The following EGR2 variants were observed in gnomAD, a reference collection of about 807,000 sequenced individuals.
The protein encoded by EGR2 is E3 SUMO-protein ligase EGR2.
Under a neutral mutation model 21.2 loss-of-function variants are expected in EGR2, and 2 were observed. The observed-to-expected ratio is 0.09, with a 90% CI of 0.04 to 0.30. EGR2 has a LOEUF of 0.30. Among genes scored for constraint, EGR2 ranks in the 10% least tolerant of loss-of-function variants. EGR2 has a pLI of 1.00. For synonymous variants in EGR2, 282 were observed against 258.2 expected, an observed-to-expected ratio of 1.09 and a Z score of -0.88; for missense variants, 458 against 630.2, an observed-to-expected ratio of 0.73 and a Z score of 2.93.
At chr10:62,816,915 G>T (rs1377582056), upstream of EGR2, among the ~76,000 whole-genome samples, 3 of 152,040 alleles carry the variant, frequency 2.0e-5, no homozygotes, top group East Asian at 5.8e-4. Context: ...AAAGCTACAT[G>T]CATTCACGGA....
rs7893472 is a variant in EGR2 at position 62,815,657 on chromosome 10, T to C, written c.169+204A>G. ...CCGGGGCGCACGCACGCCGGTTTGCTGGCGACCTGGCGCATCTGCCCGCGC... is the reference window on the plus strand; with the variant it reads ...CCGGGGCGCACGCACGCCGGTTTGCCGGCGACCTGGCGCATCTGCCCGCGC... On this transcript the variant is annotated intron_variant, in intron 1 of 1. Coordinates refer to ENST00000242480, the MANE Select transcript of EGR2 (RefSeq NM_000399.5). Among the ~76,000 whole-genome samples, 23,074 of 152,276 alleles carry C rather than the reference T, an allele frequency of 0.15. 4,613 individuals carry two copies. The highest frequency in any genetic ancestry group is 0.46 in the African/African-American group (19,197 of 41,534).
chr10:62,815,825 C>G (rs769322406), intron 1 of EGR2, 36 bp downstream of exon 1: 1 of 1,612,550 alleles, frequency 6.2e-7, no homozygotes, highest in East Asian at 2.2e-5. Context: ...ACCTCCGGGC[C>G]GCGCAGGTCC....
At position 62,814,224 on chromosome 10, in the gene EGR2, A is replaced by G; in HGVS notation, c.414T>C (p.Ser138=). Residue 138 remains serine (S), a synonymous_variant, in exon 2 of 2, where the codon TCT becomes TCC. Coordinates refer to ENST00000242480, the MANE Select transcript of EGR2 (RefSeq NM_000399.5). This position sits in a 1 kb window ranked among gnomAD's most constrained non-coding sequence, Gnocchi z 4.8. ...ASTTASSSVT[S]ASPNPLATGP... is the part of the protein sequence containing the mutation. ...CTGTGGCCAGTGGGTTGGGGGAGGC[A>G]GAGGTGACGCTGGATGAGGCTGTGG... 6.2e-7 allele frequency: 1 copy of G among 1,614,148 alleles called. No homozygotes were observed. The highest frequency in any genetic ancestry group is 8.5e-7 in the Non-Finnish European group (1 of 1,180,000).
At chr10:62,816,931 A>G (rs897969128), upstream of EGR2, among the ~76,000 whole-genome samples, 1 of 152,104 alleles carries the variant, frequency 6.6e-6, no homozygotes, top group Admixed American at 6.5e-5. Flanking sequence ...ACGGAAGCTG[A>G]CTGCTTTTTT....
At chr10:62,815,778 C>A (rs1274127418) in intron 1 of EGR2, 83 bp downstream of exon 1, 2 of 1,533,672 alleles carry the variant, frequency 1.3e-6, no homozygotes, top group Admixed American at 1.9e-5. Context: ...CCAATCCTCT[C>A]CTGCGATTCC....
chr10:62,816,022 GTCA>G lies in EGR2; in HGVS notation c.5_7del (p.Met2del). On this transcript the variant is annotated inframe_deletion, in exon 1 of 2. Transcript: ENST00000242480. ...TGGGATTTTGTCTACGGCCTTGGCG[GTCA>G]TCATTTGCTCCTCGCACAACCTGGA... 1 of 1,614,168 alleles carries G rather than the reference GTCA, an allele frequency of 6.2e-7. No homozygotes were observed. Among genetic ancestry groups the G allele is most frequent in the South Asian group, 1.1e-5 (1 of 91,076 alleles).
upstream of EGR2, chr10:62,818,578 T>A: frequency 7.8e-7 from 1 of 1,277,930 alleles, no homozygotes; most frequent in Non-Finnish European, 1.0e-6. Context: ...CTCTGGCGGG[T>A]CCCGCGGCCC....
rs1842123911 is a variant in EGR2, at chr10:62,812,236, T to C, written c.*971A>G. On this transcript the variant is annotated 3_prime_UTR_variant, in exon 2 of 2. Transcript: ENST00000242480. Reference sequence around the variant, plus strand: ...ACTTTCTAAAAAAAATTCCAAATATTAATAGGCAGAAATATACAGCCATAC... The same window carrying C: ...ACTTTCTAAAAAAAATTCCAAATATCAATAGGCAGAAATATACAGCCATAC... 1 of 151,920 alleles carries C rather than the reference T, an allele frequency of 6.6e-6. No homozygotes were observed. Among genetic ancestry groups the C allele is most frequent in the Admixed American group, 6.6e-5 (1 of 15,170 alleles). 9.4% of individuals were successfully genotyped at this position (151,920 alleles called of 1,614,324 possible). A position where few individuals can be genotyped will look rare whatever the true frequency, so the allele number is the denominator to read the frequency against.
rs766458625 is a variant in EGR2, at chr10:62,813,716, C to T, written c.922G>A (p.Ala308Thr). 3.7e-6 allele frequency: 6 copies of T among 1,610,732 alleles called. No individual in the cohort carries two copies. Among genetic ancestry groups the T allele is most frequent in the Non-Finnish European group, 3.4e-6 (4 of 1,179,400 alleles). The change falls in exon 2 of 2, where the codon GCC (alanine) becomes ACC (threonine). Residue 308 changes from alanine (A) to threonine (T), a missense_variant. Coordinates refer to ENST00000242480, the MANE Select transcript of EGR2 (RefSeq NM_000399.5). The surrounding 1 kb of genome is among the most constrained non-coding windows in gnomAD (Gnocchi z 5.7). Reference sequence around the variant, plus strand: ...GGCAGGTGGTGTGGGTTATAGGCGGCGGCGGCGGCGGCTGCTGCTGCTGCT... The same window carrying T: ...GGCAGGTGGTGTGGGTTATAGGCGGTGGCGGCGGCGGCTGCTGCTGCTGCT... Reference protein sequence around the residue: ...SSAAAAAAAAAAYNPHHLPLR... With the variant: ...SSAAAAAAAATAYNPHHLPLR...
rs759547856 is a variant in EGR2, at chr10:62,813,299, C to A, written c.1339G>T (p.Val447Leu). The stretch of plus-strand genomic sequence containing the variant: ...CTGCACAGGGTACCCCCAGGCTGCA[C>A]GCCCCCAGAGCAGGAGGCTGTAGAG... Reference protein sequence around the residue: ...APSTASCSGGVQPGGTLCSSN... With the variant: ...APSTASCSGGLQPGGTLCSSN... Residue 447 changes from valine to leucine, a missense_variant, in exon 2 of 2, where the codon GTG becomes TTG. Coordinates refer to ENST00000242480, the MANE Select transcript of EGR2 (RefSeq NM_000399.5). This position sits in a 1 kb window ranked among gnomAD's most constrained non-coding sequence, Gnocchi z 5.7. The A allele has an allele frequency of 2.5e-6, 4 of 1,574,126 alleles. No homozygotes were observed. The highest frequency in any genetic ancestry group is 2.2e-5 in the East Asian group (1 of 44,526).
At chr10:62,817,158 C>G (rs1303914305), upstream of EGR2, among the ~76,000 whole-genome samples, 5 of 152,182 alleles carry the variant, frequency 3.3e-5, no homozygotes, top group Non-Finnish European at 5.9e-5. The surrounding 1 kb of genome is among the most constrained non-coding windows in gnomAD (Gnocchi z 4.4). Context: ...CGGAGACACC[C>G]TCCTTCCTCT....
Position 62,813,823 on chromosome 10 carries a change from G to A in EGR2, c.815C>T (p.Thr272Ile), listed in dbSNP as rs774959041. ...CACCCCAGCACTGGGGCCCCCCAGG[G>A]TAAAGTTACGGATTGTAGAGAGTGG... The part of the protein sequence containing the change: ...LTPLSTIRNF[T>I]LGGPSAGVTG... The change falls in exon 2 of 2, where the codon ACC (threonine) becomes ATC (isoleucine). Residue 272 changes from threonine to isoleucine, a missense_variant. Thr to Ile is a moderately conservative substitution (Grantham distance 89). Coordinates refer to ENST00000242480, the MANE Select transcript of EGR2 (RefSeq NM_000399.5). This position sits in a 1 kb window ranked among gnomAD's most constrained non-coding sequence, Gnocchi z 5.7. 3.7e-6 allele frequency: 6 copies of A among 1,614,090 alleles called. No homozygotes were observed. The highest frequency in any genetic ancestry group is 5.1e-6 in the Non-Finnish European group (6 of 1,179,996).
In EGR2 at chr10:62,813,875, T is replaced by C; in HGVS notation, c.763A>G (p.Thr255Ala). 1 of 1,613,872 alleles carries C rather than the reference T, an allele frequency of 6.2e-7. No homozygotes were observed. Among genetic ancestry groups the C allele is most frequent in the Non-Finnish European group, 8.5e-7 (1 of 1,179,964 alleles). The change falls in exon 2 of 2, where the codon ACC becomes GCC. Residue 255 changes from threonine to alanine, a missense_variant. This residue lies in a region of EGR2 where 253 missense variants were observed against 315.5 expected (regional missense o/e 0.80). Coordinates refer to ENST00000242480, the MANE Select transcript of EGR2 (RefSeq NM_000399.5). The surrounding 1 kb of genome is among the most constrained non-coding windows in gnomAD (Gnocchi z 5.7). Reference protein sequence around the residue: ...DRKPFPCPLDTLRVPPPLTPL... With the variant: ...DRKPFPCPLDALRVPPPLTPL... ...GTGAGTGGAGGGGGCACCCGCAGGG[T>C]GTCCAGTGGGCAGGGAAAGGGCTTA... is the stretch of plus-strand genomic sequence containing the variant.
In EGR2 at chr10:62,814,688, T is replaced by G. The variant is rs1842216804; in HGVS notation, c.170-220A>C. On this transcript the variant is annotated intron_variant, in intron 1 of 1. Transcript: ENST00000242480. The surrounding 1 kb of genome is among the most constrained non-coding windows in gnomAD (Gnocchi z 4.8). ...GACAGTATGGAACTCAAGAACTACC[T>G]CCAAAAAAGCAGAATGAGCTTTTCC... is the stretch of plus-strand genomic sequence containing the variant. 6.6e-6 allele frequency among the ~76,000 whole-genome samples: 1 copy of G among 151,814 alleles called. No individual in the cohort carries two copies. Among genetic ancestry groups the G allele is most frequent in the African/African-American group, 2.4e-5 (1 of 41,278 alleles).
intron 1 of EGR2, among the ~76,000 whole-genome samples, chr10:62,815,561 T>C (rs997664814): frequency 2.0e-5 from 3 of 152,252 alleles, no homozygotes; most frequent in South Asian, 2.1e-4. Flanking sequence ...CCAGAGGGCC[T>C]ACGCAAGCCT....
At chr10:62,816,486 T>C (rs991368533), upstream of EGR2, 12 of 619,974 alleles carry the variant, frequency 1.9e-5, no homozygotes, top group Non-Finnish European at 2.5e-5. Flanking sequence ...ACATGGCTGA[T>C]TTGCATACAC....
At chr10:62,816,861 T>G (rs1470239159), upstream of EGR2, among the ~76,000 whole-genome samples, 1 of 151,870 alleles carries the variant, frequency 6.6e-6, no homozygotes, top group Non-Finnish European at 1.5e-5. Flanking sequence ...CTCACTTTCT[T>G]GGCAGCTCAA....
intron 1 of EGR2, among the ~76,000 whole-genome samples, chr10:62,815,430 C>T (rs941072356): frequency 6.6e-6 from 1 of 152,250 alleles, no homozygotes; most frequent in South Asian, 2.1e-4. Flanking sequence ...GAGCTACCGA[C>T]GCTTTCCCCT....
In EGR2 at chr10:62,814,449, G is replaced by A; in HGVS notation, c.189C>T (p.Asp63=). The A allele has an allele frequency of 6.2e-7, 1 of 1,614,116 alleles. No individual in the cohort carries two copies. Among genetic ancestry groups the A allele is most frequent in the Non-Finnish European group, 8.5e-7 (1 of 1,179,998 alleles). Residue 63 remains aspartate (D), a synonymous_variant, in exon 2 of 2, where the codon GAC becomes GAT. Transcript: ENST00000242480. This position sits in a 1 kb window ranked among gnomAD's most constrained non-coding sequence, Gnocchi z 4.8. ...CCAACGACCTCTTCTCTCCAGTCAT[G>A]TCAATGTTGATCATGCCATCTGGGG... ...GVAGDGMINI[D]MTGEKRSLDL...
Sources: gnomAD v4.1 joint callset for allele counts (sites outside exome capture counted in the v4.1 genomes callset) on GRCh38, gnomAD v4.1.1 for gene constraint, gnomAD v4.1.1 regional missense constraint, Gnocchi (gnomAD v3.1) non-coding constraint, MANE v1.5 for transcripts, NCBI Gene and HGNC (gene_info 2026-07-23, HGNC 2026-07-21) for gene names.